The following ZFP64 variants were observed in gnomAD, a reference collection of about 807,000 sequenced individuals.
ZFP64 encodes the protein zinc finger protein 64.
In ZFP64, 14 loss-of-function variants were observed where a neutral mutation model predicts 51.6. That is an observed-to-expected ratio of 0.27 (90% CI 0.18 to 0.42). ZFP64 has a LOEUF of 0.42. ZFP64 is among the 10% of genes least tolerant of loss of function. The pLI is 1.00. For synonymous variants in ZFP64, 375 were observed against 361.4 expected, an observed-to-expected ratio of 1.04 and a Z score of -0.43; for missense variants, 754 against 906.8, an observed-to-expected ratio of 0.83 and a Z score of 2.16.
At chr20:52,170,828 T>A (rs557465806) in intron 2 of ZFP64, among the ~76,000 whole-genome samples, 26 of 152,260 alleles carry the variant, frequency 1.7e-4, no homozygotes, top group African/African-American at 5.5e-4. Flanking sequence ...GAGACAAAAA[T>A]CCCTGCCCTC....
chr20:52,088,394 G>A (rs1348369911), exon 8 of ZFP64: 11 of 1,613,858 alleles, frequency 6.8e-6, no homozygotes, highest in East Asian at 6.7e-5. Context: ...GGACTCACCC[G>A]TGTGAGATCG....
chr20:52,182,395 T>C (rs1357235467), intron 2 of ZFP64, among the ~76,000 whole-genome samples: 2 of 152,194 alleles, frequency 1.3e-5, no homozygotes, highest in South Asian at 2.1e-4. Context: ...GCCGTGTAAA[T>C]GCTAAGAGGA....
At chr20:52,113,980 G>A (rs1340896096) in intron 5 of ZFP64, among the ~76,000 whole-genome samples, 1 of 152,082 alleles carries the variant, frequency 6.6e-6, no homozygotes, top group Non-Finnish European at 1.5e-5. Context: ...AAACACAAAT[G>A]TAATAGCCAG....
intron 4 of ZFP64, among the ~76,000 whole-genome samples, chr20:52,163,376 C>A (rs1981987594): frequency 6.6e-6 from 1 of 152,020 alleles, no homozygotes; most frequent in African/African-American, 2.4e-5. Flanking sequence ...AAACAAAAAC[C>A]AAAACAAAAC....
chr20:52,090,928 A>G lies in ZFP64; in HGVS notation c.977-2285T>C, dbSNP rs550652747. Among the ~76,000 whole-genome samples the G allele has an allele frequency of 4.9e-4, 13 of 26,478 alleles. No individual in the cohort carries two copies. In the South Asian group the frequency reaches 0.024, roughly 50 times the overall value. 17.4% of individuals were successfully genotyped at this position (26,478 alleles called of 152,430 possible). The stretch of plus-strand genomic sequence containing the variant: ...AACACAGTGAGACCCTGACTCTACC[A>G]AAAAAAAAAAAAAAAAAAAAAAAAG... On this transcript the variant is annotated intron_variant, in intron 7 of 8. Coordinates refer to the ZFP64 transcript ENST00000361387.
At chr20:52,164,856 A>G (rs767947582) in intron 3 of ZFP64, 99 bp from the exon 4 acceptor site, 61 of 923,232 alleles carry the variant, frequency 6.6e-5, no homozygotes, top group Non-Finnish European at 9.8e-5. Flanking sequence ...GACAAGAGTT[A>G]ACACCACGGT....
chr20:52,161,888 T>A (rs1168542821), intron 4 of ZFP64, among the ~76,000 whole-genome samples: 2 of 152,170 alleles, frequency 1.3e-5, no homozygotes, highest in African/African-American at 4.8e-5. Context: ...ACTTTATATA[T>A]CAAATATGTA....
At chr20:52,116,661 A>G (rs146986796) in intron 5 of ZFP64, among the ~76,000 whole-genome samples, 251 of 152,298 alleles carry the variant, frequency 1.6e-3, no homozygotes, top group African/African-American at 5.9e-3. Context: ...GCTGTTAGGC[A>G]TATGTGTACA....
In ZFP64 at chr20:52,098,673, A is replaced by C. The variant is rs2122756764; in HGVS notation, c.764-86T>G. 17 of 1,515,200 alleles carry C rather than the reference A, an allele frequency of 1.1e-5. No individual in the cohort carries two copies. In the South Asian group the frequency reaches 1.9e-4, roughly 17 times the overall value. 93.9% of individuals were successfully genotyped at this position (1,515,200 alleles called of 1,614,324 possible). The stretch of plus-strand genomic sequence containing the variant: ...AATACAGTAGGTTTGGGCTTATTTC[A>C]CCTCCCTTCACCTTTCCAGAAAAAA... On this transcript the variant is annotated intron_variant, in intron 5 of 8. Transcript: ENST00000361387.
At chr20:52,179,177 C>A (rs553906095) in intron 2 of ZFP64, among the ~76,000 whole-genome samples, 1 of 152,156 alleles carries the variant, frequency 6.6e-6, no homozygotes. Flanking sequence ...GGTGTCCCTG[C>A]ACAAGCTCTT....
intron 5 of ZFP64, among the ~76,000 whole-genome samples, chr20:52,112,720 T>A (rs2122820830): frequency 6.6e-6 from 1 of 151,764 alleles, no homozygotes; most frequent in South Asian, 2.1e-4. Flanking sequence ...TCTCAAGAGA[T>A]CCTCCCATCT....
chr20:52,173,735 G>A (rs181017105), intron 2 of ZFP64, among the ~76,000 whole-genome samples: 125 of 151,188 alleles, frequency 8.3e-4, no homozygotes, highest in African/African-American at 2.6e-3. Context: ...AGCAACCTCC[G>A]CTACCCAGGT....
At chr20:52,165,440 A>G (rs761244738) in intron 3 of ZFP64, 14 of 457,216 alleles carry the variant, frequency 3.1e-5, no homozygotes, top group Non-Finnish European at 6.1e-5. Context: ...ATATAATAAA[A>G]TGGTAACATT....
intron 5 of ZFP64, among the ~76,000 whole-genome samples, chr20:52,127,204 C>T (rs1412736013): frequency 2.6e-5 from 4 of 152,116 alleles, no homozygotes; most frequent in Non-Finnish European, 5.9e-5. Flanking sequence ...CCGGCCTCGG[C>T]CTCCCAAAGT....
At chr20:52,145,959 T>C (rs1441874194) in intron 5 of ZFP64, among the ~76,000 whole-genome samples, 2 of 152,266 alleles carry the variant, frequency 1.3e-5, no homozygotes, top group Admixed American at 1.3e-4. Context: ...TCAAAATCTT[T>C]TGTAATAACA....
At chr20:52,175,732 C>A (rs1294683035) in intron 2 of ZFP64, among the ~76,000 whole-genome samples, 1 of 152,050 alleles carries the variant, frequency 6.6e-6, no homozygotes, top group Non-Finnish European at 1.5e-5. Flanking sequence ...GAATCCCAGG[C>A]ACGTGGGAGG....
chr20:52,157,099 C>T (rs549686002), intron 5 of ZFP64, among the ~76,000 whole-genome samples: 4 of 152,260 alleles, frequency 2.6e-5, no homozygotes, highest in African/African-American at 9.6e-5. Context: ...AAACTAGTCT[C>T]AGAGTGAAGA....
At chr20:52,120,924 G>A (rs535906844) in intron 5 of ZFP64, among the ~76,000 whole-genome samples, 10 of 152,120 alleles carry the variant, frequency 6.6e-5, no homozygotes, top group African/African-American at 1.7e-4. Flanking sequence ...TGATCTGCCC[G>A]CCTTGGCCTC....
chr20:52,095,300 C>G (rs1263254029), intron 7 of ZFP64, among the ~76,000 whole-genome samples: 1 of 152,110 alleles, frequency 6.6e-6, no homozygotes, highest in Non-Finnish European at 1.5e-5. Flanking sequence ...AGTGGTGTGG[C>G]TTTAAGGTGG....
Sources: allele counts gnomAD v4.1 joint callset (sites outside exome capture counted in the v4.1 genomes callset), GRCh38; gene constraint gnomAD v4.1.1; transcripts MANE v1.5; gene names NCBI Gene and HGNC (gene_info 2026-07-23, HGNC 2026-07-21).